Variants in NAV2 observed in about 807,000 individuals in gnomAD.
The protein encoded by NAV2 is helicase, APC down-regulated 1.
NAV2 carries 54 observed loss-of-function variants against 223.2 expected under a neutral mutation model. The observed-to-expected ratio is 0.24, with a 90% CI of 0.19 to 0.30. The LOEUF (loss-of-function observed/expected upper bound fraction) is 0.30, where lower values mean the gene tolerates loss of function less well. Ranked by LOEUF, NAV2 falls within the 10% of genes least tolerant of loss-of-function variation. The pLI is 1.00. For missense variants in NAV2, 2,806 were observed against 3,147.5 expected (o/e 0.89, Z 2.60); for synonymous variants, 1,279 against 1,239.3 (o/e 1.03, Z -0.67).
At chr11:19,441,350 A>T (rs1266846116) in intron 1 of NAV2, among the ~76,000 whole-genome samples, 1 of 152,102 alleles carries the variant, frequency 6.6e-6, no homozygotes, top group Non-Finnish European at 1.5e-5. Context: ...GAAATGTTTT[A>T]AACATGAGAG....
chr11:19,856,855 A>G (rs1309244466), intron 3 of NAV2, among the ~76,000 whole-genome samples: 5 of 152,218 alleles, frequency 3.3e-5, no homozygotes, highest in Non-Finnish European at 1.5e-5. Context: ...TATGGATGCC[A>G]CCAGGACAGG....
At chr11:19,607,444 G>A (rs1453790601) in intron 1 of NAV2, among the ~76,000 whole-genome samples, 1 of 152,218 alleles carries the variant, frequency 6.6e-6, no homozygotes, top group Non-Finnish European at 1.5e-5. Context: ...TTTCTAAGTG[G>A]AGCTAGGATA....
chr11:19,640,319 C>T lies in NAV2; in HGVS notation c.76-192165C>T, dbSNP rs558987310. Among the ~76,000 whole-genome samples, 9 of 152,182 alleles carry T rather than the reference C, an allele frequency of 5.9e-5. No homozygotes were observed. The East Asian group carries it at 1.7e-3, about 29-fold the overall frequency. On this transcript the variant is annotated intron_variant, in intron 1 of 37. Transcript: ENST00000360655. ...TCTTTACTGCAGGACTTCTCAGAGC[C>T]TGCTCATGTGTATCGTGAAACTCTG...
intron 10 of NAV2, among the ~76,000 whole-genome samples, chr11:19,950,767 T>C (rs548588812): frequency 6.6e-6 from 1 of 152,354 alleles, no homozygotes; most frequent in South Asian, 2.1e-4. Flanking sequence ...AGAAAGGACA[T>C]ACAAATTTAC....
intron 1 of NAV2, among the ~76,000 whole-genome samples, chr11:19,801,084 A>C (rs2058223393): frequency 6.6e-6 from 1 of 152,150 alleles, no homozygotes; most frequent in Admixed American, 6.5e-5. Context: ...CTTATAGTTT[A>C]TTTTTCCTTG....
At chr11:19,989,566 T>A (rs2153462242) in intron 11 of NAV2, among the ~76,000 whole-genome samples, 1 of 152,322 alleles carries the variant, frequency 6.6e-6, no homozygotes, top group East Asian at 1.9e-4. Flanking sequence ...AATAGAAAAC[T>A]GACATAAACT....
At chr11:19,991,468 G>A (rs1325220853) in intron 11 of NAV2, among the ~76,000 whole-genome samples, 1 of 152,036 alleles carries the variant, frequency 6.6e-6, no homozygotes, top group Non-Finnish European at 1.5e-5. Flanking sequence ...AAGCTACTTA[G>A]GACAATCTAG....
chr11:19,680,574 G>A (rs1013180385), intron 1 of NAV2, among the ~76,000 whole-genome samples: 2 of 152,194 alleles, frequency 1.3e-5, no homozygotes, highest in African/African-American at 4.8e-5. Context: ...GGAGGCTGTG[G>A]CTATGGAGCC....
chr11:19,940,142 T>G (rs974125018), intron 8 of NAV2, among the ~76,000 whole-genome samples: 4 of 152,174 alleles, frequency 2.6e-5, no homozygotes, highest in Non-Finnish European at 4.4e-5. Flanking sequence ...AGATTTAGAA[T>G]TCTAAAATAG....
chr11:19,750,416 C>T (rs1275629393), intron 1 of NAV2, among the ~76,000 whole-genome samples: 1 of 152,296 alleles, frequency 6.6e-6, no homozygotes, highest in East Asian at 1.9e-4. Flanking sequence ...TTCCCTTGAC[C>T]TTTCAAACAA....
intron 5 of NAV2, among the ~76,000 whole-genome samples, chr11:19,886,994 C>G (rs1039969831): frequency 3.9e-5 from 6 of 152,064 alleles, no homozygotes; most frequent in Non-Finnish European, 8.8e-5. Context: ...CCCCCCTTTC[C>G]CCACCCCCAG....
intron 1 of NAV2, among the ~76,000 whole-genome samples, chr11:19,611,130 CA>C (rs1224589506): frequency 1.3e-5 from 2 of 152,118 alleles, no homozygotes; most frequent in Non-Finnish European, 2.9e-5. Context: ...GAGGAAGAAG[CA>C]AAAGCAGAAA....
chr11:20,063,800 A>G (rs1644843443), intron 20 of NAV2, among the ~76,000 whole-genome samples: 1 of 152,224 alleles, frequency 6.6e-6, no homozygotes, highest in Admixed American at 6.5e-5. Context: ...AAATGTTTTA[A>G]TAATTTAGGT....
At chr11:19,496,683 G>A (rs954497505) in intron 1 of NAV2, among the ~76,000 whole-genome samples, 1 of 152,186 alleles carries the variant, frequency 6.6e-6, no homozygotes, top group Non-Finnish European at 1.5e-5. Flanking sequence ...TGCTACACAA[G>A]GGCCTGAATG....
intron 1 of NAV2, among the ~76,000 whole-genome samples, chr11:19,635,958 AATTGGAATTTGT>A (rs1407005634): frequency 1.3e-5 from 2 of 152,226 alleles, no homozygotes; most frequent in Non-Finnish European, 2.9e-5. Context: ...CTGAGTCATC[AATTGGAATTTGT>A]ATTGCAGTGA....
At chr11:19,477,550 A>C (rs2042155578) in intron 1 of NAV2, among the ~76,000 whole-genome samples, 1 of 152,146 alleles carries the variant, frequency 6.6e-6, no homozygotes, top group Non-Finnish European at 1.5e-5. Flanking sequence ...TCTTGGTCAC[A>C]TTACTTCTTT....
chr11:19,438,422 T>G (rs2133669964), intron 1 of NAV2, among the ~76,000 whole-genome samples: 1 of 152,332 alleles, frequency 6.6e-6, no homozygotes, highest in East Asian at 1.9e-4. Context: ...TGTGCAATCC[T>G]GGGGAACTTA....
In NAV2 at chr11:19,489,437, A is replaced by G. The variant is rs1056226467; in HGVS notation, c.75+138410A>G. Among the ~76,000 whole-genome samples, 5 of 152,342 alleles carry G rather than the reference A, an allele frequency of 3.3e-5. No homozygotes were observed. The East Asian group carries it at 9.6e-4, about 29-fold the overall frequency. On this transcript the variant is annotated intron_variant, in intron 1 of 37. Transcript: ENST00000360655. Reference sequence around the variant, plus strand: ...GGGAAGGCAGAGACTATAGTTTCATACAGAGTAGTGCTTAATTCCAGTTTT... The same window carrying G: ...GGGAAGGCAGAGACTATAGTTTCATGCAGAGTAGTGCTTAATTCCAGTTTT...
intron 11 of NAV2, among the ~76,000 whole-genome samples, chr11:19,988,828 G>T (rs1260751365): frequency 6.6e-6 from 1 of 152,192 alleles, no homozygotes; most frequent in Non-Finnish European, 1.5e-5. Flanking sequence ...CAAGAGCCCA[G>T]GACACTGCTT....
Sources: allele counts gnomAD v4.1 joint callset (sites outside exome capture counted in the v4.1 genomes callset), GRCh38; gene constraint gnomAD v4.1.1; transcripts MANE v1.5; gene names NCBI Gene and HGNC (gene_info 2026-07-23, HGNC 2026-07-21).